The following FAM163A variants were observed in gnomAD, a reference collection of about 807,000 sequenced individuals.
FAM163A encodes family with sequence similarity 163 member A.
Under a neutral mutation model 12.0 loss-of-function variants are expected in FAM163A, and 7 were observed. The ratio of observed to expected loss-of-function variants is 0.58; its 90% CI spans 0.33 to 1.10. FAM163A has a LOEUF of 1.10. Among genes scored for constraint, FAM163A ranks in the 50% least tolerant of loss-of-function variants. The pLI is 0.03. For synonymous variants in FAM163A, 101 were observed against 91.0 expected, an observed-to-expected ratio of 1.11 and a Z score of -0.62; for missense variants, 202 against 218.6, an observed-to-expected ratio of 0.92 and a Z score of 0.48.
At chr1:179,786,349 C>G (rs1295035554) in intron 1 of FAM163A, among the ~76,000 whole-genome samples, 3 of 152,172 alleles carry the variant, frequency 2.0e-5, no homozygotes, top group South Asian at 4.1e-4. Flanking sequence ...AGATTCAGAG[C>G]CAGGCATAAG....
chr1:179,812,510 C>T (rs1053839269), intron 3 of FAM163A, among the ~76,000 whole-genome samples: 7 of 152,150 alleles, frequency 4.6e-5, no homozygotes, highest in Non-Finnish European at 8.8e-5. Context: ...GCCCTTTCCC[C>T]GCCAGCCCGG....
At chr1:179,761,318 C>A (rs1292425719) in intron 1 of FAM163A, among the ~76,000 whole-genome samples, 1 of 152,160 alleles carries the variant, frequency 6.6e-6, no homozygotes, top group Admixed American at 6.6e-5. Flanking sequence ...AAGAAGCAAA[C>A]AACAAACAAA....
rs749889410 is a variant in FAM163A at position 179,814,204 on chromosome 1, A to G, written c.*15A>G. 6.3e-7 allele frequency: 1 copy of G among 1,587,242 alleles called. No individual in the cohort carries two copies. Among genetic ancestry groups the G allele is most frequent in the African/African-American group, 1.3e-5 (1 of 74,340 alleles). ...CAGACGTGTAAATCCTTCCACCCCG[A>G]CCCGCACACACACCCACACTGCTGC... On this transcript the variant is annotated 3_prime_UTR_variant, in exon 5 of 5. Transcript: ENST00000341785.
chr1:179,738,751 G>T (rs1309215411), upstream of FAM163A, among the ~76,000 whole-genome samples: 1 of 152,104 alleles, frequency 6.6e-6, no homozygotes, highest in African/African-American at 2.4e-5. Context: ...AAGACTGAAT[G>T]CTTTCTCCCT....
intron 1 of FAM163A, among the ~76,000 whole-genome samples, chr1:179,799,548 C>T (rs575649759): frequency 6.6e-6 from 1 of 152,350 alleles, no homozygotes; most frequent in Admixed American, 6.5e-5. Flanking sequence ...TGACTGTGGC[C>T]AAATCACTTG....
At chr1:179,783,128 T>TCAA (rs1241285186) in intron 1 of FAM163A, among the ~76,000 whole-genome samples, 2 of 107,412 alleles carry the variant, frequency 1.9e-5, no homozygotes, top group African/African-American at 7.9e-5. Flanking sequence ...AAACTCCGTC[T>TCAA]TAAAAAAAAA....
chr1:179,769,933 T>C (rs1274479702), intron 1 of FAM163A, among the ~76,000 whole-genome samples: 3 of 141,256 alleles, frequency 2.1e-5, no homozygotes, highest in Admixed American at 7.3e-5. Flanking sequence ...TTTGAGACAG[T>C]CTTGCTCTGT....
chr1:179,772,250 C>T (rs892512240), intron 1 of FAM163A, among the ~76,000 whole-genome samples: 1 of 152,198 alleles, frequency 6.6e-6, no homozygotes, highest in African/African-American at 2.4e-5. Flanking sequence ...TCTGGTCAGC[C>T]CAGAGGTCCT....
At chr1:179,747,956 AG>A (rs926710495) in intron 1 of FAM163A, among the ~76,000 whole-genome samples, 25 of 14,508 alleles carry the variant, frequency 1.7e-3, no homozygotes, top group Non-Finnish European at 2.9e-3. Flanking sequence ...GAGGAGGGGG[AG>A]GGGGAGGGGG....
intron 1 of FAM163A, among the ~76,000 whole-genome samples, chr1:179,786,749 C>T (rs1035251492): frequency 1.3e-5 from 2 of 152,232 alleles, no homozygotes; most frequent in Admixed American, 6.5e-5. Context: ...ATTCAGACCT[C>T]AGGACTCAAA....
At chr1:179,736,796 C>A in the FAM163A span, among the ~76,000 whole-genome samples, 3 of 150,918 alleles carry the variant, frequency 2.0e-5, no homozygotes, top group Non-Finnish European at 1.5e-5. Flanking sequence ...GGTGACAAAG[C>A]AAGACTCAGT....
chr1:179,792,283 T>TTGTGTGTGTGTGTGTGTGTGTG (rs3075152), intron 1 of FAM163A, among the ~76,000 whole-genome samples: 1 of 133,566 alleles, frequency 7.5e-6, no homozygotes, highest in Non-Finnish European at 1.6e-5. Context: ...CCATATCTGA[T>TTGTGTGTGTGTGTGTGTGTGTG]TGTGTGTGTG....
intron 1 of FAM163A, among the ~76,000 whole-genome samples, chr1:179,787,165 C>A (rs1041574061): frequency 1.3e-5 from 2 of 152,246 alleles, no homozygotes; most frequent in Admixed American, 1.3e-4. Flanking sequence ...AGACCCAAAG[C>A]AGAGTCTTCC....
At chr1:179,782,126 G>A (rs948690843) in intron 1 of FAM163A, among the ~76,000 whole-genome samples, 2 of 152,120 alleles carry the variant, frequency 1.3e-5, no homozygotes, top group African/African-American at 2.4e-5. Context: ...GGGAACAGGC[G>A]AAATGATCTC....
In FAM163A at chr1:179,814,066, A is replaced by G; in HGVS notation, c.381A>G (p.Thr127=). The G allele has an allele frequency of 1.2e-6, 2 of 1,614,084 alleles. No individual in the cohort carries two copies. The highest frequency in any genetic ancestry group is 1.7e-6 in the Non-Finnish European group (2 of 1,179,992). Residue 127 remains threonine, a synonymous_variant, in exon 5 of 5, where the codon ACA becomes ACG. Transcript: ENST00000341785. The stretch of plus-strand genomic sequence containing the variant: ...GCGAGAGGCTCTCCTTTGCTCCCAC[A>G]TACTACAAAGAGGGGGGACCCCCAT... ...GGGERLSFAP[T]YYKEGGPPSL...
At chr1:179,775,756 G>A (rs1157609821) in intron 1 of FAM163A, among the ~76,000 whole-genome samples, 1 of 152,212 alleles carries the variant, frequency 6.6e-6, no homozygotes, top group Non-Finnish European at 1.5e-5. Flanking sequence ...ATTGTCTTAT[G>A]AGTGTGGACA....
At chr1:179,754,848 C>T (rs1234396550) in intron 1 of FAM163A, among the ~76,000 whole-genome samples, 1 of 152,134 alleles carries the variant, frequency 6.6e-6, no homozygotes, top group Non-Finnish European at 1.5e-5. Context: ...TTAGAAAGAT[C>T]ACTCTAGGCT....
intron 1 of FAM163A, among the ~76,000 whole-genome samples, chr1:179,770,817 T>C (rs1003635822): frequency 6.6e-6 from 1 of 152,144 alleles, no homozygotes; most frequent in African/African-American, 2.4e-5. Flanking sequence ...GCCCCCATCA[T>C]AGGACTTAGC....
intron 1 of FAM163A, among the ~76,000 whole-genome samples, chr1:179,776,169 G>A (rs1473532261): frequency 1.3e-5 from 2 of 152,134 alleles, no homozygotes; most frequent in Non-Finnish European, 2.9e-5. Context: ...TAAGAGCAGT[G>A]TAAATCGTGG....
Sources: gnomAD v4.1 joint callset for allele counts (sites outside exome capture counted in the v4.1 genomes callset) on GRCh38, gnomAD v4.1.1 for gene constraint, MANE v1.5 for transcripts, NCBI Gene and HGNC (gene_info 2026-07-23, HGNC 2026-07-21) for gene names.